Variants in HS6ST1 observed in about 807,000 individuals in gnomAD.
HS6ST1 encodes the protein heparan-sulfate 6-O-sulfotransferase 1.
Under a neutral mutation model 25.2 loss-of-function variants are expected in HS6ST1, and 3 were observed. The observed-to-expected ratio is 0.12, with a 90% confidence interval of 0.05 to 0.31. The LOEUF (loss-of-function observed/expected upper bound fraction) is 0.31. Among genes scored for constraint, HS6ST1 ranks in the 10% least tolerant of loss-of-function variants. The pLI is 1.00. For missense variants in HS6ST1, 310 were observed against 609.6 expected (o/e 0.51, Z 5.18); for synonymous variants, 204 against 275.1 (o/e 0.74, Z 2.56).
chr2:128,314,581 A>G (rs1212261987), intron 1 of HS6ST1, among the ~76,000 whole-genome samples: 2 of 152,216 alleles, frequency 1.3e-5, no homozygotes, highest in Non-Finnish European at 2.9e-5. Context: ...GACGGCACAC[A>G]GGTCCAGCAC....
intron 1 of HS6ST1, among the ~76,000 whole-genome samples, chr2:128,288,586 C>A (rs1041165479): frequency 6.6e-6 from 1 of 152,186 alleles, no homozygotes; most frequent in Non-Finnish European, 1.5e-5. Flanking sequence ...AGAAATGCAA[C>A]CCGCGCCAGG....
At chr2:128,302,155 C>T (rs1457123464) in intron 1 of HS6ST1, among the ~76,000 whole-genome samples, 1 of 152,168 alleles carries the variant, frequency 6.6e-6, no homozygotes, top group African/African-American at 2.4e-5. Context: ...AGGTGCTGTG[C>T]TCCAAGCTGG....
At chr2:128,279,435 G>A (rs1693745987) in intron 1 of HS6ST1, among the ~76,000 whole-genome samples, 1 of 151,758 alleles carries the variant, frequency 6.6e-6, no homozygotes. Flanking sequence ...GAGTCCTTGG[G>A]GGGCCGGCTT....
chr2:128,300,035 GAGAGTC>G (rs1694100067), intron 1 of HS6ST1, among the ~76,000 whole-genome samples: 1 of 152,154 alleles, frequency 6.6e-6, no homozygotes, highest in African/African-American at 2.4e-5. Flanking sequence ...GGCAGCATGG[GAGAGTC>G]AGGCCTGGAC....
At position 128,265,520 on chromosome 2, in the gene HS6ST1, G is replaced by C. The variant is rs888499266; in HGVS notation, c.*2642C>G. The C allele has an allele frequency of 1.3e-5, 2 of 152,164 alleles. No homozygotes were observed. Among genetic ancestry groups the C allele is most frequent in the African/African-American group, 4.8e-5 (2 of 41,436 alleles). 9.4% of individuals were successfully genotyped at this position (152,164 alleles called of 1,614,324 possible). A position where few individuals can be genotyped will look rare whatever the true frequency, so the allele number is the denominator to read the frequency against. On this transcript the variant is annotated 3_prime_UTR_variant, in exon 2 of 2. Coordinates refer to ENST00000259241, the MANE Select transcript of HS6ST1 (RefSeq NM_004807.3). ...ATTTCATCAGCTAACATTCATTCTC[G>C]ACCTAGACAAAAACAATTAGATGAT... is the stretch of plus-strand genomic sequence containing the variant.
chr2:128,292,797 G>A (rs1190167613), intron 1 of HS6ST1, among the ~76,000 whole-genome samples: 2 of 152,098 alleles, frequency 1.3e-5, no homozygotes, highest in African/African-American at 4.8e-5. Context: ...AGGAACAAGG[G>A]CAGCAGGAAG....
At chr2:128,312,915 T>C (rs1246495082) in intron 1 of HS6ST1, among the ~76,000 whole-genome samples, 1 of 151,938 alleles carries the variant, frequency 6.6e-6, no homozygotes, top group Non-Finnish European at 1.5e-5. Context: ...TAAAAAAAAT[T>C]AGCCAAGTGT....
chr2:128,311,919 G>C (rs1694296167), intron 1 of HS6ST1, among the ~76,000 whole-genome samples: 1 of 152,222 alleles, frequency 6.6e-6, no homozygotes, highest in Non-Finnish European at 1.5e-5. Flanking sequence ...ACTGCGCCAG[G>C]AGCCAAGCAC....
At chr2:128,312,431 C>A (rs1045825606) in intron 1 of HS6ST1, among the ~76,000 whole-genome samples, 2 of 152,340 alleles carry the variant, frequency 1.3e-5, no homozygotes, top group Admixed American at 6.5e-5. Flanking sequence ...GTGCAGGGGA[C>A]AAGAGTCACC....
At chr2:128,294,565 C>G (rs1694010802) in intron 1 of HS6ST1, among the ~76,000 whole-genome samples, 1 of 152,174 alleles carries the variant, frequency 6.6e-6, no homozygotes, top group African/African-American at 2.4e-5. Context: ...ACACTCCCAC[C>G]TGGGAGCTGC....
At chr2:128,292,919 T>C (rs1693978201) in intron 1 of HS6ST1, among the ~76,000 whole-genome samples, 1 of 152,020 alleles carries the variant, frequency 6.6e-6, no homozygotes, top group South Asian at 2.1e-4. Context: ...GGGGAGAGCC[T>C]AGGCAGGCCT....
intron 1 of HS6ST1, among the ~76,000 whole-genome samples, chr2:128,272,401 G>A (rs1396780471): frequency 6.6e-6 from 1 of 152,242 alleles, no homozygotes; most frequent in African/African-American, 2.4e-5. Context: ...TGCGAGAAGA[G>A]CCCAGAGCAC....
intron 1 of HS6ST1, among the ~76,000 whole-genome samples, chr2:128,301,279 C>T (rs1694121542): frequency 6.6e-6 from 1 of 152,052 alleles, no homozygotes; most frequent in Non-Finnish European, 1.5e-5. Context: ...GCTCCTGTAC[C>T]CCTCTGTGTT....
intron 1 of HS6ST1, among the ~76,000 whole-genome samples, chr2:128,273,812 C>T (rs986447244): frequency 2.6e-5 from 4 of 152,240 alleles, no homozygotes; most frequent in Non-Finnish European, 4.4e-5. Flanking sequence ...CAAACAGAAG[C>T]AGGAAGAGGG....
intron 1 of HS6ST1, among the ~76,000 whole-genome samples, chr2:128,273,762 T>C (rs1336194304): frequency 6.6e-6 from 1 of 152,244 alleles, no homozygotes; most frequent in African/African-American, 2.4e-5. Context: ...TGCTGTTTAC[T>C]CTCCAGTCTG....
At chr2:128,291,820 C>T (rs997914288) in intron 1 of HS6ST1, among the ~76,000 whole-genome samples, 10 of 152,340 alleles carry the variant, frequency 6.6e-5, no homozygotes, top group East Asian at 1.9e-4. Context: ...TGTGCAGGGG[C>T]GCCGGCGGGC....
chr2:128,311,880 A>AT (rs1478140254), intron 1 of HS6ST1, among the ~76,000 whole-genome samples: 2 of 152,098 alleles, frequency 1.3e-5, no homozygotes, highest in African/African-American at 4.8e-5. Context: ...GCCCAATCTT[A>AT]TGGGGGAGGT....
intron 1 of HS6ST1, among the ~76,000 whole-genome samples, chr2:128,316,690 A>AGTGTGTGTGTGTGT (rs754486574): frequency 4.7e-5 from 7 of 147,704 alleles, no homozygotes; most frequent in Admixed American, 2.7e-4. Context: ...TGGGAGCTGC[A>AGTGTGTGTGTGTGT]GTGTGTGTGT....
intron 1 of HS6ST1, among the ~76,000 whole-genome samples, chr2:128,315,652 G>A (rs1413211901): frequency 6.6e-6 from 1 of 152,180 alleles, no homozygotes; most frequent in Non-Finnish European, 1.5e-5. Context: ...GAGTTGCTGG[G>A]TCCCTGGGCA....
Sources: gnomAD v4.1 joint callset for allele counts (sites outside exome capture counted in the v4.1 genomes callset) on GRCh38, gnomAD v4.1.1 for gene constraint, MANE v1.5 for transcripts, NCBI Gene and HGNC (gene_info 2026-07-23, HGNC 2026-07-21) for gene names.